The following ANKRD30A variants were observed in gnomAD, a reference collection of about 807,000 sequenced individuals.
ANKRD30A encodes ankyrin repeat domain-containing protein 30A.
In ANKRD30A, 170 loss-of-function variants were observed where a neutral mutation model predicts 166.3. The observed-to-expected ratio is 1.02, with a 90% confidence interval of 0.90 to 1.16. The LOEUF is 1.16. Ranked by LOEUF, ANKRD30A falls within the 50% of genes most tolerant of loss-of-function variation. ANKRD30A has a pLI of 0.00. For synonymous variants in ANKRD30A, 564 were observed against 508.9 expected, an observed-to-expected ratio of 1.11 and a Z score of -1.46; for missense variants, 1,630 against 1,518.0, an observed-to-expected ratio of 1.07 and a Z score of -1.23.
In ANKRD30A at chr10:37,149,658, T is replaced by C. The variant is rs761385472; in HGVS notation, c.1551T>C (p.Pro517=). ...MEINREVEEP[P]KKPSAFKPAI... The stretch of plus-strand genomic sequence containing the variant: ...ATCTCTTTTGCTTTTTAGAGCCTCC[T>C]AAGAAGCCATCTGCCTTCAAGGTAT... Residue 517 remains proline, a synonymous_variant, in exon 10 of 36, where the codon CCT becomes CCC. Transcript: ENST00000361713. 1.5e-4 allele frequency: 243 copies of C among 1,612,230 alleles called. 2 individuals carry two copies. The highest frequency in any genetic ancestry group is 9.0e-4 in the South Asian group (82 of 90,916).
At chr10:37,197,616 G>A (rs1347681627) in intron 29 of ANKRD30A, 136 bp downstream of exon 29, 4 of 1,351,538 alleles carry the variant, frequency 3.0e-6, no homozygotes, top group Non-Finnish European at 4.0e-6. Context: ...TACTGGTATT[G>A]ATGTTTGAAA....
chr10:37,144,490 C>G (rs1300403094), intron 7 of ANKRD30A, among the ~76,000 whole-genome samples: 2 of 152,104 alleles, frequency 1.3e-5, no homozygotes, highest in African/African-American at 4.8e-5. Flanking sequence ...ACTGTCATGG[C>G]ATATTGAAAT....
chr10:37,126,667 G>A (rs1200932758), intron 1 of ANKRD30A, among the ~76,000 whole-genome samples: 1 of 152,120 alleles, frequency 6.6e-6, no homozygotes, highest in Non-Finnish European at 1.5e-5. Flanking sequence ...TACACAGGCT[G>A]TCTTTTACTA....
At chr10:37,183,379 C>T (rs1840166586) in intron 24 of ANKRD30A, among the ~76,000 whole-genome samples, 1 of 145,406 alleles carries the variant, frequency 6.9e-6, no homozygotes, top group South Asian at 2.3e-4. Flanking sequence ...TTCAGAGATG[C>T]TCAGATCAGA....
At chr10:37,130,924 A>G (rs1425995632) in intron 3 of ANKRD30A, among the ~76,000 whole-genome samples, 3 of 152,128 alleles carry the variant, frequency 2.0e-5, no homozygotes, top group African/African-American at 7.2e-5. Context: ...TTCCTCTCTC[A>G]TAGTATATTT....
the ANKRD30A span, among the ~76,000 whole-genome samples, chr10:37,265,673 G>C: frequency 6.6e-6 from 1 of 152,250 alleles, no homozygotes; most frequent in South Asian, 2.1e-4. Flanking sequence ...GCACTGAGTA[G>C]ATTGATGTTT....
At chr10:37,245,647 A>G in the ANKRD30A span, among the ~76,000 whole-genome samples, 1 of 152,004 alleles carries the variant, frequency 6.6e-6, no homozygotes, top group East Asian at 1.9e-4. Context: ...TTATGAGATC[A>G]TGGCTTCTGT....
chr10:37,213,556 CTTTTTTT>C (rs397965588), intron 31 of ANKRD30A, among the ~76,000 whole-genome samples: 2 of 132,544 alleles, frequency 1.5e-5, no homozygotes, highest in African/African-American at 2.8e-5. Flanking sequence ...TCTTCTTCTT[CTTTTTTT>C]TTTTTTTTTT....
At chr10:37,154,762 A>G (rs530197970) in intron 13 of ANKRD30A, among the ~76,000 whole-genome samples, 38 of 152,292 alleles carry the variant, frequency 2.5e-4, no homozygotes, top group African/African-American at 8.9e-4. Flanking sequence ...ATGAAAATGG[A>G]GTGAGCTCAC....
At chr10:37,226,204 C>T (rs1324410554) in intron 34 of ANKRD30A, among the ~76,000 whole-genome samples, 2 of 150,274 alleles carry the variant, frequency 1.3e-5, no homozygotes, top group Non-Finnish European at 3.0e-5. Flanking sequence ...TGTGCTGCAC[C>T]CATTAACTCG....
chr10:37,247,190 CAG>C, the ANKRD30A span, among the ~76,000 whole-genome samples: 1 of 152,026 alleles, frequency 6.6e-6, no homozygotes, highest in African/African-American at 2.4e-5. Flanking sequence ...CTAAAGAAAA[CAG>C]AAAAAGAACA....
intron 25 of ANKRD30A, among the ~76,000 whole-genome samples, chr10:37,191,513 T>G (rs1275490349): frequency 6.6e-6 from 1 of 151,970 alleles, no homozygotes; most frequent in Admixed American, 6.6e-5. Flanking sequence ...GTTCAGCTTT[T>G]GCATTTATTT....
chr10:37,218,151 A>G (rs570909559), intron 33 of ANKRD30A, among the ~76,000 whole-genome samples: 1 of 151,010 alleles, frequency 6.6e-6, no homozygotes, highest in Non-Finnish European at 1.5e-5. Flanking sequence ...GTTCCTAGCA[A>G]CATAGTTTAG....
rs777357067 is a variant in ANKRD30A, at chr10:37,142,103, A to G, written c.1206A>G (p.Thr402=). 3 of 1,613,962 alleles carry G rather than the reference A, an allele frequency of 1.9e-6. No individual in the cohort carries two copies. Among genetic ancestry groups the G allele is most frequent in the Non-Finnish European group, 2.5e-6 (3 of 1,179,974 alleles). ...AAATTATGAGTCCCGCAAAAGAAAC[A>G]TCTGAGAAATTTACGTGGGCAGCAA... ...PREIMSPAKE[T]SEKFTWAAKG... is the part of the protein sequence containing the mutation. The change falls in exon 7 of 36, where the codon ACA becomes ACG. Residue 402 remains threonine (T), a synonymous_variant. Coordinates refer to ENST00000361713, the MANE Select transcript of ANKRD30A (RefSeq NM_052997.3).
At chr10:37,139,279 C>T (rs142861332) in intron 6 of ANKRD30A, among the ~76,000 whole-genome samples, 1 of 152,294 alleles carries the variant, frequency 6.6e-6, no homozygotes, top group African/African-American at 2.4e-5. Context: ...GAAAGAGCAG[C>T]AAGGATTCCG....
the ANKRD30A span, among the ~76,000 whole-genome samples, chr10:37,244,671 T>G: frequency 2.6e-5 from 4 of 152,346 alleles, no homozygotes; most frequent in East Asian, 7.7e-4. Flanking sequence ...CTCAGATATT[T>G]TGTGCCAAGC....
chr10:37,263,722 C>T, the ANKRD30A span, among the ~76,000 whole-genome samples: 4 of 152,054 alleles, frequency 2.6e-5, no homozygotes, highest in Non-Finnish European at 5.9e-5. Context: ...TCACCTGTTG[C>T]GCACCTCCTG....
chr10:37,134,521 G>A (rs117370745), intron 5 of ANKRD30A, among the ~76,000 whole-genome samples: 6,203 of 152,206 alleles, frequency 0.041, 177 homozygotes, highest in Non-Finnish European at 0.066. Flanking sequence ...ATTGACCTTT[G>A]TGACCAGGAT....
intron 25 of ANKRD30A, among the ~76,000 whole-genome samples, chr10:37,192,494 A>T (rs573100832): frequency 6.6e-6 from 1 of 152,216 alleles, no homozygotes; most frequent in Admixed American, 6.5e-5. Context: ...CTTTTATTCT[A>T]TAAGTAGAAA....
Sources: gnomAD v4.1 joint callset for allele counts (sites outside exome capture counted in the v4.1 genomes callset) on GRCh38, gnomAD v4.1.1 for gene constraint, MANE v1.5 for transcripts, NCBI Gene and HGNC (gene_info 2026-07-23, HGNC 2026-07-21) for gene names.